The following TAF4B variants were observed in gnomAD, a reference collection of about 807,000 sequenced individuals.
TAF4B encodes TATA-box binding protein associated factor 4b.
In TAF4B, 38 loss-of-function variants were observed where a neutral mutation model predicts 86.4. The observed-to-expected ratio is 0.44, with a 90% confidence interval of 0.34 to 0.58. The LOEUF (loss-of-function observed/expected upper bound fraction) is 0.58, where lower values mean the gene tolerates loss of function less well. Ranked by LOEUF, TAF4B falls within the 20% of genes least tolerant of loss-of-function variation. The pLI is 0.02. For missense variants in TAF4B, 988 were observed against 1,027.6 expected (o/e 0.96, Z 0.53); for synonymous variants, 388 against 391.2 (o/e 0.99, Z 0.10).
chr18:26,294,653 ATATT>A (rs35642535), intron 9 of TAF4B, among the ~76,000 whole-genome samples: 52,744 of 148,448 alleles, frequency 0.36, 9,959 homozygotes, highest in Non-Finnish European at 0.45. Context: ...TGTATCATAC[ATATT>A]TATTTATGAA....
At chr18:26,273,155 A>G (rs2056342065) in intron 3 of TAF4B, among the ~76,000 whole-genome samples, 1 of 152,154 alleles carries the variant, frequency 6.6e-6, no homozygotes, top group Non-Finnish European at 1.5e-5. Flanking sequence ...GGAGTTATGC[A>G]AAAGTGTGGA....
chr18:26,274,389 A>G (rs2056357409), intron 3 of TAF4B, among the ~76,000 whole-genome samples: 1 of 152,150 alleles, frequency 6.6e-6, no homozygotes, highest in Non-Finnish European at 1.5e-5. Flanking sequence ...TGCAATCCCT[A>G]TTTTTGCAGA....
At chr18:26,245,335 G>C (rs994919452) in intron 1 of TAF4B, among the ~76,000 whole-genome samples, 1 of 152,176 alleles carries the variant, frequency 6.6e-6, no homozygotes, top group Admixed American at 6.5e-5. Context: ...CCTTCGTGGT[G>C]AGTGTTAGAG....
intron 7 of TAF4B, 126 bp from the exon 8 acceptor site, chr18:26,292,120 G>C: frequency 1.0e-6 from 1 of 1,001,176 alleles, no homozygotes; most frequent in South Asian, 2.5e-5. Flanking sequence ...TTTAAAGTAG[G>C]CATTCTTGTT....
At position 26,349,584 on chromosome 18, in the gene TAF4B, C is replaced by T. The variant is rs979250346; in HGVS notation, c.2317-8106C>T. Among the ~76,000 whole-genome samples, 6 of 152,144 alleles carry T rather than the reference C, an allele frequency of 3.9e-5. No homozygotes were observed. In the South Asian group the frequency reaches 6.2e-4, roughly 16 times the overall value. ...CAAGCAAATGTACAAACATCTCATG[C>T]TCATGGATCAGAAGAATTAATATTG... On this transcript the variant is annotated intron_variant, in intron 13 of 14. Transcript: ENST00000269142.
intron 13 of TAF4B, among the ~76,000 whole-genome samples, chr18:26,343,890 T>C (rs1050115292): frequency 2.0e-5 from 3 of 152,130 alleles, no homozygotes; most frequent in African/African-American, 4.8e-5. Context: ...CAAAATCACT[T>C]GACAGGAAGA....
At chr18:26,341,092 C>A (rs963610268) in intron 13 of TAF4B, among the ~76,000 whole-genome samples, 1 of 139,108 alleles carries the variant, frequency 7.2e-6, no homozygotes, top group Admixed American at 7.0e-5. Flanking sequence ...TAGAAAGATG[C>A]CTGTTTAAAA....
chr18:26,238,301 G>T (rs4800252), intron 1 of TAF4B, among the ~76,000 whole-genome samples: 11,513 of 152,228 alleles, frequency 0.076, 536 homozygotes, highest in Non-Finnish European at 0.1. Flanking sequence ...CCCTGAGGAA[G>T]GGAAGGGATC....
At position 26,227,103 on chromosome 18, in the gene TAF4B, C is replaced by G. The variant is rs1392082370; in HGVS notation, c.170C>G (p.Thr57Arg). The G allele has an allele frequency of 1.2e-6, 2 of 1,611,858 alleles. No homozygotes were observed. The highest frequency in any genetic ancestry group is 2.7e-5 in the African/African-American group (2 of 74,728). ...CCTGTCAGCGTCTGCGTGGAGCCCA[C>G]GGCGTCCCAGCCCCTGCGGTCCCCC... ...KAPVSVCVEPTASQPLRSPVG... is the reference protein window; with the variant it reads ...KAPVSVCVEPRASQPLRSPVG... The change falls in exon 1 of 15, where the codon ACG becomes AGG. Residue 57 changes from threonine (T) to arginine (R), a missense_variant. Thr to Arg is a moderately conservative substitution (Grantham distance 71). This residue lies in a region of TAF4B where 747 missense variants were observed against 737.9 expected (regional missense o/e 1.01). Transcript: ENST00000269142.
rs796529682 is a variant in TAF4B, at chr18:26,315,124, C to G, written c.1833-105C>G. ...TCTCTCTCTCTCTCTCTCTCTCTCT[C>G]TCTCTCTCTCTCTCTCTCTCTGTCT... is the stretch of plus-strand genomic sequence containing the variant. On this transcript the variant is annotated intron_variant, in intron 9 of 14. Transcript: ENST00000269142. The G allele has an allele frequency of 3.2e-3, 1,008 of 312,598 alleles. 11 individuals carry two copies. The highest frequency in any genetic ancestry group is 0.017 in the East Asian group (305 of 17,502). 19.4% of individuals were successfully genotyped at this position (312,598 alleles called of 1,614,324 possible).
chr18:26,365,068 G>A lies in TAF4B; in HGVS notation c.2421+7274G>A, dbSNP rs150372046. 3.4e-3 allele frequency among the ~76,000 whole-genome samples: 476 copies of A among 141,036 alleles called. 2 individuals carry two copies. The highest frequency in any genetic ancestry group is 0.012 in the African/African-American group (454 of 36,998). 92.5% of individuals were successfully genotyped at this position (141,036 alleles called of 152,430 possible). A position where few individuals can be genotyped will look rare whatever the true frequency, so the allele number is the denominator to read the frequency against. ...GGCACCCAGGCGGGAGTGCAGTGTC[G>A]TAATCTCGGCTCACTGCAACCTCCA... On this transcript the variant is annotated intron_variant, in intron 14 of 14. Coordinates refer to ENST00000269142, the MANE Select transcript of TAF4B (RefSeq NM_005640.3).
intron 6 of TAF4B, among the ~76,000 whole-genome samples, chr18:26,284,061 A>G (rs962608400): frequency 6.6e-6 from 1 of 152,136 alleles, no homozygotes; most frequent in Non-Finnish European, 1.5e-5. Context: ...CTCAAAAAAA[A>G]AAAAAAATCT....
chr18:26,378,662 A>G (rs2057458812), intron 14 of TAF4B, among the ~76,000 whole-genome samples: 1 of 152,222 alleles, frequency 6.6e-6, no homozygotes, highest in Non-Finnish European at 1.5e-5. Flanking sequence ...CAGATAAGAT[A>G]TAAAACATTT....
intron 14 of TAF4B, among the ~76,000 whole-genome samples, chr18:26,368,305 A>G (rs1330842602): frequency 1.3e-5 from 2 of 152,198 alleles, no homozygotes; most frequent in Non-Finnish European, 2.9e-5. Context: ...TATAATTGAA[A>G]TACTAAGCCT....
At chr18:26,301,700 TATTTA>T (rs574986679) in intron 9 of TAF4B, among the ~76,000 whole-genome samples, 7 of 152,330 alleles carry the variant, frequency 4.6e-5, no homozygotes, top group African/African-American at 1.7e-4. Flanking sequence ...CACTTGGTAA[TATTTA>T]ATTAAATGTC....
rs1457430805 is a variant in TAF4B at position 26,378,994 on chromosome 18, AT to A, written c.2422-10850del. The stretch of plus-strand genomic sequence containing the variant: ...GTATGGATAAAGGTGCTTTATCCAT[AT>A]AAAGCTACATTCTTGTAAAAGTCAT... On this transcript the variant is annotated intron_variant, in intron 14 of 14. Coordinates refer to ENST00000269142, the MANE Select transcript of TAF4B (RefSeq NM_005640.3). 7.2e-5 allele frequency among the ~76,000 whole-genome samples: 11 copies of A among 152,280 alleles called. No homozygotes were observed. In the East Asian group the frequency reaches 2.1e-3, roughly 29 times the overall value.
chr18:26,254,711 G>A (rs9953399), intron 1 of TAF4B, among the ~76,000 whole-genome samples: 10,128 of 152,090 alleles, frequency 0.067, 626 homozygotes, highest in African/African-American at 0.15. Context: ...ACAGGGTCTC[G>A]CCTGTCCTAG....
intron 13 of TAF4B, among the ~76,000 whole-genome samples, chr18:26,356,743 G>A (rs2057291185): frequency 6.7e-6 from 1 of 149,350 alleles, no homozygotes; most frequent in Non-Finnish European, 1.5e-5. Context: ...TTCTGAAAAA[G>A]CTTAGGGATT....
intron 5 of TAF4B, among the ~76,000 whole-genome samples, chr18:26,276,025 A>T (rs1418214131): frequency 1.3e-5 from 2 of 151,492 alleles, no homozygotes; most frequent in African/African-American, 2.4e-5. Context: ...CAAAAAAAAA[A>T]AAAAAAAGAA....
Sources: gnomAD v4.1 joint callset for allele counts (sites outside exome capture counted in the v4.1 genomes callset) on GRCh38, gnomAD v4.1.1 for gene constraint, gnomAD v4.1.1 regional missense constraint, MANE v1.5 for transcripts, NCBI Gene and HGNC (gene_info 2026-07-23, HGNC 2026-07-21) for gene names.